Variants in TCF3 observed in about 807,000 individuals in gnomAD.
TCF3 encodes the protein transcription factor E2-alpha.
In TCF3, 54 loss-of-function variants were observed where a neutral mutation model predicts 72.3. The observed-to-expected ratio is 0.75, with a 90% CI of 0.60 to 0.94. The LOEUF is 0.94. TCF3 is among the 40% of genes least tolerant of loss of function. The probability of loss-of-function intolerance (pLI) is 0.00; values close to 1 mark genes in which losing one functional copy is unlikely to be tolerated. For missense variants in TCF3, 1,078 were observed against 934.4 expected, an observed-to-expected ratio of 1.15 and a Z score of -2.00; for synonymous variants, 525 against 412.6, an observed-to-expected ratio of 1.27 and a Z score of -3.30.
chr19:1,610,940 C>CGGGG lies in TCF3; in HGVS notation c.*763_*766dup, dbSNP rs1395665155. On this transcript the variant is annotated 3_prime_UTR_variant, in exon 19 of 19. Coordinates refer to ENST00000262965, the MANE Select transcript of TCF3 (RefSeq NM_003200.5). ...AGTGGCTTCCGGGGGGGGGGGGGGA[C>CGGGG]GGGGGGGCTCAGGTTTACACGGGGT... The CGGGG allele has an allele frequency of 1.1e-3, 52 of 46,492 alleles. No homozygotes were observed. Among genetic ancestry groups the CGGGG allele is most frequent in the Admixed American group, 1.9e-3 (6 of 3,220 alleles). The allele number at this position is 46,492 out of a possible 1,614,324, so 2.9% of individuals were successfully genotyped here.
At chr19:1,651,548 C>T (rs1489925735) in intron 1 of TCF3, among the ~76,000 whole-genome samples, 1 of 152,212 alleles carries the variant, frequency 6.6e-6, no homozygotes, top group East Asian at 1.9e-4. Flanking sequence ...AACGGGCATT[C>T]TACGGGAGCT....
chr19:1,642,272 ACACGCACAGACGCG>A, intron 3 of TCF3, among the ~76,000 whole-genome samples: 1 of 151,402 alleles, frequency 6.6e-6, no homozygotes, highest in Non-Finnish European at 1.5e-5. Flanking sequence ...ACACGCACGC[ACACGCACAGACGCG>A]CACACGCACA....
chr19:1,645,979 C>T (rs371154701), intron 3 of TCF3, among the ~76,000 whole-genome samples: 3 of 152,150 alleles, frequency 2.0e-5, no homozygotes, highest in Non-Finnish European at 2.9e-5. Context: ...TCCCGCACCA[C>T]GCCCTCTCCA....
intron 1 of TCF3, chr19:1,650,843 C>A (rs2066912122): frequency 4.3e-6 from 1 of 230,974 alleles, no homozygotes; most frequent in Non-Finnish European, 8.6e-6. Flanking sequence ...AACTCTTTTA[C>A]AAGCTTCAAG....
intron 3 of TCF3, among the ~76,000 whole-genome samples, chr19:1,634,563 G>C (rs372547347): frequency 6.6e-6 from 1 of 152,236 alleles, no homozygotes; most frequent in Non-Finnish European, 1.5e-5. Context: ...AATGAAAGAT[G>C]CTGCTTCAGA....
intron 2 of TCF3, among the ~76,000 whole-genome samples, chr19:1,648,512 T>C (rs2066481810): frequency 6.6e-6 from 1 of 152,158 alleles, no homozygotes; most frequent in Non-Finnish European, 1.5e-5. Context: ...AACGCTGGTC[T>C]GTTCCAGCCC....
Position 1,651,799 on chromosome 19 carries a change from G to GC in TCF3, c.-40+500dup, listed in dbSNP as rs889156802. 3.6e-3 allele frequency among the ~76,000 whole-genome samples: 539 copies of GC among 148,198 alleles called. 2 individuals carry two copies. Among genetic ancestry groups the GC allele is most frequent in the South Asian group, 4.7e-3 (22 of 4,680 alleles). On this transcript the variant is annotated intron_variant, in intron 1 of 18. Transcript: ENST00000262965. ...AACGCGGAGCAGATGTTACCCGCGCGCCCCCCCCCGGCCCGCCCGGCCCCG... is the reference window on the plus strand; with the variant it reads ...AACGCGGAGCAGATGTTACCCGCGCGCCCCCCCCCCGGCCCGCCCGGCCCCG...
chr19:1,621,065 G>A lies in TCF3; in HGVS notation c.1015-19C>T, dbSNP rs2146084154. On this transcript the variant is annotated intron_variant, in intron 12 of 18. Coordinates refer to ENST00000262965, the MANE Select transcript of TCF3 (RefSeq NM_003200.5). ...AGTAGATCTGCGAGGAGGACCAGGA[G>A]AGATGGGCGGTCAGGGGCCGGCCTC... The A allele has an allele frequency of 3.9e-6, 6 of 1,525,116 alleles. No individual in the cohort carries two copies. Among genetic ancestry groups the A allele is most frequent in the African/African-American group, 1.4e-5 (1 of 73,080 alleles). The allele number at this position is 1,525,116 out of a possible 1,614,324, so 94.5% of individuals were successfully genotyped here.
chr19:1,639,774 A>T (rs944058252), intron 3 of TCF3, among the ~76,000 whole-genome samples: 1 of 150,008 alleles, frequency 6.7e-6, no homozygotes, highest in Non-Finnish European at 1.5e-5. Context: ...AAAAAAAAAA[A>T]GGAACAAATG....
At position 1,610,557 on chromosome 19, in the gene TCF3, G is replaced by T. The variant is rs3746112; in HGVS notation, c.*1150C>A. ...AGGAGGTCCCCAGCACCGGGCTCCA[G>T]GGTGTGGTCCCCATGCCAGGGGTCA... is the stretch of plus-strand genomic sequence containing the variant. On this transcript the variant is annotated 3_prime_UTR_variant, in exon 19 of 19. Coordinates refer to ENST00000262965, the MANE Select transcript of TCF3 (RefSeq NM_003200.5). The T allele has an allele frequency of 1.1e-4, 26 of 231,672 alleles. No individual in the cohort carries two copies. Among genetic ancestry groups the T allele is most frequent in the Non-Finnish European group, 2.0e-4 (24 of 117,276 alleles). 14.4% of individuals were successfully genotyped at this position (231,672 alleles called of 1,614,324 possible). A position where few individuals can be genotyped will look rare whatever the true frequency, so the allele number is the denominator to read the frequency against.
At chr19:1,644,730 G>A (rs1424960963) in intron 3 of TCF3, among the ~76,000 whole-genome samples, 1 of 152,130 alleles carries the variant, frequency 6.6e-6, no homozygotes, top group Admixed American at 6.5e-5. Flanking sequence ...GGTTACCCAG[G>A]GACCAATCTC....
rs556822434 is a variant in TCF3 at position 1,637,869 on chromosome 19, A to G, written c.146-5464T>C. Among the ~76,000 whole-genome samples, 39 of 152,264 alleles carry G rather than the reference A, an allele frequency of 2.6e-4. No individual in the cohort carries two copies. The South Asian group carries it at 8.1e-3, about 32-fold the overall frequency. On this transcript the variant is annotated intron_variant, in intron 3 of 18. Transcript: ENST00000262965. ...GCTTGCAGTGAGCCGAGATCGTGCCACTGCACTCCAGCCTGGGCAATAGAG... is the reference window on the plus strand; with the variant it reads ...GCTTGCAGTGAGCCGAGATCGTGCCGCTGCACTCCAGCCTGGGCAATAGAG...
At chr19:1,648,887 G>A (rs2145731183) in intron 2 of TCF3, among the ~76,000 whole-genome samples, 1 of 152,112 alleles carries the variant, frequency 6.6e-6, no homozygotes, top group East Asian at 1.9e-4. Context: ...AAGGTCCCTG[G>A]GCTTCTCCAG....
intron 16 of TCF3, among the ~76,000 whole-genome samples, 200 bp from the exon 17 acceptor site, chr19:1,616,021 C>G (rs1299206764): frequency 6.6e-6 from 1 of 152,164 alleles, no homozygotes; most frequent in Admixed American, 6.5e-5. Flanking sequence ...GATTAAGGAC[C>G]ACAAGATGAA....
At chr19:1,613,463 G>A (rs1264925349) in intron 18 of TCF3, among the ~76,000 whole-genome samples, 2 of 152,140 alleles carry the variant, frequency 1.3e-5, no homozygotes, top group Admixed American at 1.3e-4. Flanking sequence ...GGGCAGGGCT[G>A]GGGGCAGGGG....
At chr19:1,633,256 C>G (rs2063940181) in intron 3 of TCF3, among the ~76,000 whole-genome samples, 1 of 152,224 alleles carries the variant, frequency 6.6e-6, no homozygotes, top group Non-Finnish European at 1.5e-5. Context: ...TGGGCCTCCT[C>G]AGCTTGGCCA....
intron 3 of TCF3, among the ~76,000 whole-genome samples, chr19:1,644,180 C>G (rs976341997): frequency 1.3e-5 from 2 of 152,182 alleles, no homozygotes; most frequent in Non-Finnish European, 2.9e-5. Flanking sequence ...CTCCGCCCCT[C>G]GCACCCATCG....
At chr19:1,612,374 A>G in intron 18 of TCF3, 4 of 1,613,684 alleles carry the variant, frequency 2.5e-6, no homozygotes, top group South Asian at 2.2e-5. Context: ...GTTATTGGCC[A>G]TGCGCCTCTC....
In TCF3 at chr19:1,652,438, G is replaced by C. The variant is rs1297278663; in HGVS notation, c.-178C>G. The C allele has an allele frequency of 7.1e-6, 1 of 141,548 alleles. No homozygotes were observed. The highest frequency in any genetic ancestry group is 2.2e-4 in the South Asian group (1 of 4,606). The allele number at this position is 141,548 out of a possible 1,614,324, so 8.8% of individuals were successfully genotyped here. ...GCGGCGGCGGCGGCGCGCGTGGCCC[G>C]GGCCCCTCCCACCCCCGCGTGGCCC... On this transcript the variant is annotated 5_prime_UTR_variant, in exon 1 of 19. Coordinates refer to ENST00000262965, the MANE Select transcript of TCF3 (RefSeq NM_003200.5).
Sources: allele counts gnomAD v4.1 joint callset (sites outside exome capture counted in the v4.1 genomes callset), GRCh38; gene constraint gnomAD v4.1.1; transcripts MANE v1.5; gene names NCBI Gene and HGNC (gene_info 2026-07-23, HGNC 2026-07-21).